The following EPS15 variants were observed in gnomAD, a reference collection of about 807,000 sequenced individuals.
EPS15 encodes the protein epidermal growth factor receptor substrate 15.
A neutral mutation model predicts 113.8 loss-of-function variants in EPS15; 72 were observed. That is an observed-to-expected ratio of 0.63 (90% CI 0.52 to 0.77). The LOEUF (loss-of-function observed/expected upper bound fraction) is 0.77, where lower values mean the gene tolerates loss of function less well. EPS15 is among the 30% of genes least tolerant of loss of function. The probability of loss-of-function intolerance (pLI) is 0.00; values close to 1 mark genes in which losing one functional copy is unlikely to be tolerated. For synonymous variants in EPS15, 344 were observed against 363.4 expected (o/e 0.95, Z 0.61); for missense variants, 1,048 against 1,045.8 (o/e 1.00, Z -0.03).
chr1:51,445,116 T>C, intron 10 of EPS15, 71 bp from the exon 11 acceptor site: 1 of 1,378,008 alleles, frequency 7.3e-7, no homozygotes, highest in Non-Finnish European at 1.0e-6. Flanking sequence ...AAAGTACCAC[T>C]ATGCAGCTTT....
At chr1:51,449,546 C>G (rs1465674275) in intron 8 of EPS15, among the ~76,000 whole-genome samples, 1 of 149,276 alleles carries the variant, frequency 6.7e-6, no homozygotes, top group African/African-American at 2.6e-5. Flanking sequence ...ATATAACAAA[C>G]CTGTACATGT....
intron 1 of EPS15, among the ~76,000 whole-genome samples, chr1:51,493,157 T>C (rs917646724): frequency 1.2e-4 from 18 of 152,106 alleles, no homozygotes; most frequent in Non-Finnish European, 2.4e-4. Flanking sequence ...GTCAGGAGAT[T>C]GAAACCATCC....
At chr1:51,506,444 T>G (rs935012026) in intron 1 of EPS15, among the ~76,000 whole-genome samples, 4 of 152,156 alleles carry the variant, frequency 2.6e-5, no homozygotes, top group African/African-American at 9.7e-5. Context: ...TTTAAATATT[T>G]ATCAAACAGA....
intron 8 of EPS15, among the ~76,000 whole-genome samples, chr1:51,448,486 A>G (rs878956402): frequency 6.6e-6 from 1 of 152,184 alleles, no homozygotes; most frequent in Admixed American, 6.5e-5. Context: ...AACAGAAAAA[A>G]AAGTCCAATA....
intron 21 of EPS15, among the ~76,000 whole-genome samples, chr1:51,371,801 G>T (rs567584328): frequency 6.6e-6 from 1 of 152,244 alleles, no homozygotes; most frequent in South Asian, 2.1e-4. Flanking sequence ...ACTATTACTT[G>T]ACTCACTGAC....
At chr1:51,393,085 C>G (rs545808778) in intron 21 of EPS15, among the ~76,000 whole-genome samples, 6 of 152,202 alleles carry the variant, frequency 3.9e-5, no homozygotes, top group African/African-American at 1.4e-4. Context: ...TTATTTTCTA[C>G]ATATCTCCTT....
intron 12 of EPS15, chr1:51,422,065 T>C (rs575144770): frequency 8.2e-6 from 10 of 1,218,326 alleles, no homozygotes; most frequent in Non-Finnish European, 1.0e-5. Context: ...AATTGCTTTC[T>C]CACTAAAATG....
At chr1:51,517,563 A>G (rs1644745793) in intron 1 of EPS15, among the ~76,000 whole-genome samples, 1 of 152,246 alleles carries the variant, frequency 6.6e-6, no homozygotes, top group South Asian at 2.1e-4. Context: ...CAACAGAGCC[A>G]GAAAACAACA....
Position 51,361,167 on chromosome 1 carries a change from T to C in EPS15, c.2544+4A>G, listed in dbSNP as rs766972459. The C allele has an allele frequency of 3.7e-6, 6 of 1,611,312 alleles. No homozygotes were observed. The highest frequency in any genetic ancestry group is 1.7e-5 in the Admixed American group (1 of 59,958). ...CCCCCAAACAGCTCATTCACAGTAC[T>C]TACAGCACTGAAGTTGGCAAAATTG... On this transcript the variant is annotated splice_donor_region_variant and intron_variant, in intron 24 of 24. Coordinates refer to ENST00000371733, the MANE Select transcript of EPS15 (RefSeq NM_001981.3).
intron 1 of EPS15, among the ~76,000 whole-genome samples, chr1:51,485,380 T>C (rs745757388): frequency 1.6e-4 from 24 of 152,186 alleles, no homozygotes; most frequent in Non-Finnish European, 3.2e-4. Context: ...AAATAAGTCC[T>C]CTAGAAATTG....
At chr1:51,465,371 C>A (rs761007466) in intron 5 of EPS15, 45 bp from the exon 6 acceptor site, 1 of 1,363,878 alleles carries the variant, frequency 7.3e-7, no homozygotes, top group Non-Finnish European at 1.0e-6. Flanking sequence ...ATTCTCACAT[C>A]AAGAAGCAAT....
intron 23 of EPS15, among the ~76,000 whole-genome samples, chr1:51,363,090 G>A (rs1348747536): frequency 1.3e-5 from 2 of 152,090 alleles, no homozygotes; most frequent in Non-Finnish European, 2.9e-5. Flanking sequence ...TTGAGGTCAG[G>A]AGGTAGAGAC....
intron 10 of EPS15, 119 bp from the exon 11 acceptor site, chr1:51,445,164 C>A (rs1652921169): frequency 2.3e-6 from 2 of 877,156 alleles, no homozygotes; most frequent in Non-Finnish European, 3.5e-6. Flanking sequence ...GACAGTCACA[C>A]CAACTTGCAG....
intron 12 of EPS15, among the ~76,000 whole-genome samples, chr1:51,425,598 C>A (rs1187092173): frequency 6.6e-6 from 1 of 152,186 alleles, no homozygotes. Context: ...TATAAAAATT[C>A]TCTTGGAGTA....
intron 1 of EPS15, chr1:51,490,308 A>G (rs539583406): frequency 4.5e-6 from 2 of 448,790 alleles, no homozygotes; most frequent in Admixed American, 2.4e-5. Flanking sequence ...GCTCACACCT[A>G]TAATCCCAGC....
At chr1:51,459,498 A>C (rs1654272349) in intron 8 of EPS15, among the ~76,000 whole-genome samples, 1 of 152,166 alleles carries the variant, frequency 6.6e-6, no homozygotes, top group South Asian at 2.1e-4. Flanking sequence ...TCTGTCTCAA[A>C]AATAAAAATA....
At chr1:51,475,775 A>G (rs549856487) in intron 2 of EPS15, among the ~76,000 whole-genome samples, 81 of 152,232 alleles carry the variant, frequency 5.3e-4, no homozygotes, top group African/African-American at 1.8e-3. Flanking sequence ...CCTGAATGGT[A>G]TTGCCTAGGT....
chr1:51,508,370 A>G (rs141502454), intron 1 of EPS15, among the ~76,000 whole-genome samples: 1 of 144,112 alleles, frequency 6.9e-6, no homozygotes, highest in Non-Finnish European at 1.6e-5. Context: ...GAAAGAAAGA[A>G]AGAAAGAAAG....
At chr1:51,479,418 G>C (rs1220698910) in intron 2 of EPS15, among the ~76,000 whole-genome samples, 2 of 152,214 alleles carry the variant, frequency 1.3e-5, no homozygotes, top group Non-Finnish European at 2.9e-5. Flanking sequence ...TTAGCTCAGA[G>C]AAGTTTGTTA....
Sources: gnomAD v4.1 joint callset for allele counts (sites outside exome capture counted in the v4.1 genomes callset) on GRCh38, gnomAD v4.1.1 for gene constraint, MANE v1.5 for transcripts, NCBI Gene and HGNC (gene_info 2026-07-23, HGNC 2026-07-21) for gene names.